Variants in MAVS observed in about 807,000 individuals in gnomAD.
MAVS encodes mitochondrial antiviral signaling protein.
MAVS carries 20 observed loss-of-function variants against 30.2 expected under a neutral mutation model. The observed-to-expected ratio is 0.66, with a 90% CI of 0.47 to 0.96. The LOEUF is 0.96. Ranked by LOEUF, MAVS falls within the 40% of genes least tolerant of loss-of-function variation. The probability of loss-of-function intolerance (pLI) is 0.00; values close to 1 mark genes in which losing one functional copy is unlikely to be tolerated. For synonymous variants in MAVS, 278 were observed against 293.9 expected (o/e 0.95, Z 0.55); for missense variants, 624 against 701.1 (o/e 0.89, Z 1.24).
intron 2 of MAVS, among the ~76,000 whole-genome samples, chr20:3,857,058 CAAAA>C: frequency 6.9e-6 from 1 of 145,318 alleles, no homozygotes; most frequent in South Asian, 2.2e-4. Flanking sequence ...AAAAAAGAAA[CAAAA>C]AAACTCTGCA....
Position 3,857,907 on chromosome 20 carries a change from C to T in MAVS, c.292+98C>T, listed in dbSNP as rs2089826634. 4 of 1,340,784 alleles carry T rather than the reference C, an allele frequency of 3.0e-6. No homozygotes were observed. The South Asian group carries it at 4.8e-5, about 16-fold the overall frequency. 83.1% of individuals were successfully genotyped at this position (1,340,784 alleles called of 1,614,324 possible). On this transcript the variant is annotated intron_variant, in intron 3 of 6. Transcript: ENST00000428216. ...TGTACTTCCTGCCTTTCTCTGTCAT[C>T]CTCTTTCTTGTCACTGTGAAGCGAT...
intron 2 of MAVS, among the ~76,000 whole-genome samples, chr20:3,855,823 G>A (rs2089804912): frequency 6.6e-6 from 1 of 152,160 alleles, no homozygotes; most frequent in African/African-American, 2.4e-5. Flanking sequence ...GTGTTGCCCA[G>A]GCTGCAGTGC....
At chr20:3,857,925 G>A (rs1178442867) in intron 3 of MAVS, 116 bp downstream of exon 3, 37 of 1,181,756 alleles carry the variant, frequency 3.1e-5, no homozygotes, top group Non-Finnish European at 4.4e-5. Context: ...TTGTCACTGT[G>A]AAGCGATGAA....
At position 3,856,713 on chromosome 20, in the gene MAVS, G is replaced by A. The variant is rs573787129; in HGVS notation, c.118-922G>A. ...TTTTGTTTCTGCTGTCTGGTTGCTT[G>A]TTTTTATGTGAGAATTCAGGTAGAC... is the stretch of plus-strand genomic sequence containing the variant. On this transcript the variant is annotated intron_variant, in intron 2 of 6. Transcript: ENST00000428216. 2.6e-5 allele frequency among the ~76,000 whole-genome samples: 4 copies of A among 151,788 alleles called. No homozygotes were observed. In the South Asian group the frequency reaches 8.4e-4, roughly 32 times the overall value.
At chr20:3,848,665 G>T (rs1262007239) in intron 1 of MAVS, among the ~76,000 whole-genome samples, 1 of 152,146 alleles carries the variant, frequency 6.6e-6, no homozygotes, top group Non-Finnish European at 1.5e-5. Flanking sequence ...CCTGAGAGAG[G>T]TCTCATGCCT....
intron 5 of MAVS, among the ~76,000 whole-genome samples, chr20:3,863,030 G>A (rs781378383): frequency 2.5e-4 from 38 of 152,296 alleles, no homozygotes; most frequent in East Asian, 1.7e-3. Flanking sequence ...CCATTTTTGC[G>A]CTCTGCCAAA....
rs1219034437 is a variant in MAVS at position 3,875,714 on chromosome 20, A to C, written c.*9567A>C. 2.0e-5 allele frequency: 3 copies of C among 152,284 alleles called. No individual in the cohort carries two copies. The highest frequency in any genetic ancestry group is 4.4e-5 in the Non-Finnish European group (3 of 68,048). The allele number at this position is 152,284 out of a possible 1,614,324, so 9.4% of individuals were successfully genotyped here. A position where few individuals can be genotyped will look rare whatever the true frequency, so the allele number is the denominator to read the frequency against. Reference sequence around the variant, plus strand: ...ACTGTGAGGCTGGACCAGTTATGTCAAATCTGTCCTCCCCCAGAGCTCAGT... The same window carrying C: ...ACTGTGAGGCTGGACCAGTTATGTCCAATCTGTCCTCCCCCAGAGCTCAGT... On this transcript the variant is annotated 3_prime_UTR_variant, in exon 7 of 7. Transcript: ENST00000428216.
intron 1 of MAVS, among the ~76,000 whole-genome samples, chr20:3,849,395 G>C (rs1355000905): frequency 6.6e-6 from 1 of 152,078 alleles, no homozygotes; most frequent in African/African-American, 2.4e-5. Context: ...AGTAGAGAAA[G>C]GGTTTCACCA....
chr20:3,849,418 T>C (rs1294949352), intron 1 of MAVS, among the ~76,000 whole-genome samples: 1 of 152,118 alleles, frequency 6.6e-6, no homozygotes. Context: ...TTGGCGAGGC[T>C]GGTCTCAACC....
chr20:3,871,376 G>A lies in MAVS; in HGVS notation c.*5229G>A, dbSNP rs1190610454. 2 of 153,816 alleles carry A rather than the reference G, an allele frequency of 1.3e-5. No homozygotes were observed. Among genetic ancestry groups the A allele is most frequent in the African/African-American group, 4.8e-5 (2 of 41,436 alleles). The allele number at this position is 153,816 out of a possible 1,614,324, so 9.5% of individuals were successfully genotyped here. ...CACCTTGAACCAGTTCAGAGTTGGA[G>A]TAGCGCAGGATCCTGTCTTCAGAGG... On this transcript the variant is annotated 3_prime_UTR_variant, in exon 7 of 7. Coordinates refer to ENST00000428216, the MANE Select transcript of MAVS (RefSeq NM_020746.5).
chr20:3,848,932 T>C (rs2089733820), intron 1 of MAVS, among the ~76,000 whole-genome samples: 1 of 152,174 alleles, frequency 6.6e-6, no homozygotes, highest in Non-Finnish European at 1.5e-5. Context: ...CTGCCATCTC[T>C]GTGGTTCCCA....
At chr20:3,854,779 G>A in intron 2 of MAVS, 38 bp downstream of exon 2, 1 of 1,467,550 alleles carries the variant, frequency 6.8e-7, no homozygotes, top group Non-Finnish European at 9.5e-7. Flanking sequence ...CTGGCCTGGG[G>A]GCAGGGCTGT....
At position 3,851,990 on chromosome 20, in the gene MAVS, C is replaced by CTTTTTTTTTTTTTTTTTTTT. The variant is rs770960832; in HGVS notation, c.-67-2551_-67-2550insTTTTTTTTTTTTTTTTTTTT. 1.7e-3 allele frequency among the ~76,000 whole-genome samples: 136 copies of CTTTTTTTTTTTTTTTTTTTT among 80,410 alleles called. 10 individuals are homozygous for CTTTTTTTTTTTTTTTTTTTT. The highest frequency in any genetic ancestry group is 0.012 in the African/African-American group (99 of 8,436). 52.8% of individuals were successfully genotyped at this position (80,410 alleles called of 152,430 possible). A position where few individuals can be genotyped will look rare whatever the true frequency, so the allele number is the denominator to read the frequency against. ...AAAAAAAGAATGTATGTGTAGCAGG[C>CTTTTTTTTTTTTTTTTTTTT]TTTTTTTTTTTTTTTTTCCCCCGAG... On this transcript the variant is annotated intron_variant, in intron 1 of 6. Transcript: ENST00000428216.
At chr20:3,863,241 G>T (rs557118675) in intron 5 of MAVS, among the ~76,000 whole-genome samples, 9 of 152,306 alleles carry the variant, frequency 5.9e-5, no homozygotes, top group African/African-American at 2.2e-4. Context: ...CCAGATGTCA[G>T]TGCTCCCCCT....
In MAVS at chr20:3,866,130, C is replaced by A. The variant is rs555385198; in HGVS notation, c.1606C>A (p.Arg536=). Residue 536 remains arginine, a synonymous_variant, in exon 7 of 7, where the codon CGG becomes AGG. Transcript: ENST00000428216. Reference sequence around the variant, plus strand: ...AGTCACACTCCTGGTGGTGCTGTACCGGCGGCGTCTGCACTAGTGAAGCCC... The same window carrying A: ...AGTCACACTCCTGGTGGTGCTGTACAGGCGGCGTCTGCACTAGTGAAGCCC... ...LVVTLLVVLY[R]RRLH is the part of the protein sequence containing the mutation. The A allele has an allele frequency of 6.9e-6, 11 of 1,593,618 alleles. No homozygotes were observed. Among genetic ancestry groups the A allele is most frequent in the Non-Finnish European group, 9.4e-6 (11 of 1,171,674 alleles).
intron 1 of MAVS, among the ~76,000 whole-genome samples, chr20:3,848,391 G>T (rs184762210): frequency 3.3e-5 from 5 of 152,130 alleles, no homozygotes; most frequent in Admixed American, 6.5e-5. Flanking sequence ...GAGCCACCGC[G>T]CCCGGCCGAG....
rs951873830 is a variant in MAVS, at chr20:3,857,546, C to G, written c.118-89C>G. On this transcript the variant is annotated intron_variant, in intron 2 of 6. Coordinates refer to ENST00000428216, the MANE Select transcript of MAVS (RefSeq NM_020746.5). The stretch of plus-strand genomic sequence containing the variant: ...TGCCTTGCCCTTGTGGCTTTCTTGG[C>G]ACCCCTCCCCCCGCTGTGGCTTCAT... 19 of 1,444,758 alleles carry G rather than the reference C, an allele frequency of 1.3e-5. No individual in the cohort carries two copies. The African/African-American group carries it at 3.4e-4, about 26-fold the overall frequency. The allele number at this position is 1,444,758 out of a possible 1,614,324, so 89.5% of individuals were successfully genotyped here.
At position 3,874,326 on chromosome 20, in the gene MAVS, T is replaced by A. The variant is rs1477872631; in HGVS notation, c.*8179T>A. The A allele has an allele frequency of 5.3e-5, 21 of 397,978 alleles. No homozygotes were observed. Among genetic ancestry groups the A allele is most frequent in the Non-Finnish European group, 1.8e-5 (4 of 226,002 alleles). 24.7% of individuals were successfully genotyped at this position (397,978 alleles called of 1,614,324 possible). A position where few individuals can be genotyped will look rare whatever the true frequency, so the allele number is the denominator to read the frequency against. On this transcript the variant is annotated 3_prime_UTR_variant, in exon 7 of 7. Coordinates refer to ENST00000428216, the MANE Select transcript of MAVS (RefSeq NM_020746.5). ...AGTGCTGGTCTACCTCATCTGGGTG[T>A]TGATTTCACGAGTATTGTCAGTTTG...
chr20:3,850,309 T>C (rs2089748134), intron 1 of MAVS, among the ~76,000 whole-genome samples: 1 of 150,634 alleles, frequency 6.6e-6, no homozygotes, highest in Non-Finnish European at 1.5e-5. Context: ...AGAAATTTTT[T>C]TAAGCTGCTG....
Sources: allele counts gnomAD v4.1 joint callset (sites outside exome capture counted in the v4.1 genomes callset), GRCh38; gene constraint gnomAD v4.1.1; transcripts MANE v1.5; gene names NCBI Gene and HGNC (gene_info 2026-07-23, HGNC 2026-07-21).